DHRS7B: variants seen among roughly 807,000 people sequenced by gnomAD.
DHRS7B encodes the protein dehydrogenase/reductase 7B, also known as peroxisomal reductase activating PPAR-gamma.
A neutral mutation model predicts 26.4 loss-of-function variants in DHRS7B; 24 were observed. The ratio of observed to expected loss-of-function variants is 0.91; its 90% CI spans 0.66 to 1.28. The LOEUF is 1.28. Ranked by LOEUF, DHRS7B falls within the 50% of genes most tolerant of loss-of-function variation. The probability of loss-of-function intolerance (pLI) is 0.00; values close to 1 mark genes in which losing one functional copy is unlikely to be tolerated. For synonymous variants in DHRS7B, 142 were observed against 166.4 expected (o/e 0.85, Z 1.13); for missense variants, 368 against 419.4 (o/e 0.88, Z 1.07).
chr17:21,130,671 T>G (rs1405012722), intron 1 of DHRS7B, among the ~76,000 whole-genome samples: 2 of 152,174 alleles, frequency 1.3e-5, no homozygotes, highest in African/African-American at 2.4e-5. Context: ...GAAAATTCAG[T>G]TTTAAAATTT....
chr17:21,161,326 C>T (rs562274082), intron 1 of DHRS7B, among the ~76,000 whole-genome samples: 42 of 152,186 alleles, frequency 2.8e-4, no homozygotes, highest in African/African-American at 8.2e-4. Flanking sequence ...CTCTACTTTC[C>T]GCTCAGTTTT....
At chr17:21,138,956 A>T (rs1973429168) in intron 1 of DHRS7B, among the ~76,000 whole-genome samples, 1 of 152,184 alleles carries the variant, frequency 6.6e-6, no homozygotes, top group African/African-American at 2.4e-5. Flanking sequence ...ATTTATGAAA[A>T]CTATGATAGT....
intron 1 of DHRS7B, among the ~76,000 whole-genome samples, chr17:21,149,427 A>C (rs1044880170): frequency 3.9e-5 from 6 of 152,180 alleles, no homozygotes; most frequent in Non-Finnish European, 8.8e-5. Context: ...TCTAAAACCC[A>C]CTGATAAAGT....
At chr17:21,176,193 T>C (rs1310478154) in intron 2 of DHRS7B, among the ~76,000 whole-genome samples, 1 of 151,974 alleles carries the variant, frequency 6.6e-6, no homozygotes, top group Non-Finnish European at 1.5e-5. Flanking sequence ...TTCCTATGTT[T>C]CCCAGGCTGG....
intron 1 of DHRS7B, among the ~76,000 whole-genome samples, chr17:21,154,967 TA>T (rs921371663): frequency 6.6e-6 from 1 of 151,894 alleles, no homozygotes; most frequent in East Asian, 1.9e-4. Context: ...AAAGTTTTTT[TA>T]AAAAAAGAAG....
intron 1 of DHRS7B, chr17:21,127,277 G>A (rs573236914): frequency 6.8e-6 from 3 of 440,566 alleles, no homozygotes; most frequent in South Asian, 8.0e-5. Flanking sequence ...CGCGCCGGGC[G>A]CTGTGTGTGA....
chr17:21,150,740 T>G (rs1287293896), intron 1 of DHRS7B, among the ~76,000 whole-genome samples: 1 of 152,212 alleles, frequency 6.6e-6, no homozygotes, highest in African/African-American at 2.4e-5. Context: ...AAACCACATA[T>G]TTATTATTTT....
intron 1 of DHRS7B, among the ~76,000 whole-genome samples, chr17:21,153,518 A>G (rs1973815962): frequency 6.6e-6 from 1 of 152,246 alleles, no homozygotes; most frequent in African/African-American, 2.4e-5. Context: ...TTAATCTCAG[A>G]CACCAAATCG....
chr17:21,138,397 C>T (rs970948575), intron 1 of DHRS7B, among the ~76,000 whole-genome samples: 12 of 150,332 alleles, frequency 8.0e-5, no homozygotes, highest in African/African-American at 2.4e-4. Context: ...CTAATTTTTT[C>T]TATTTTTAGT....
chr17:21,182,741 C>T (rs1025898843), intron 3 of DHRS7B, among the ~76,000 whole-genome samples: 4 of 152,154 alleles, frequency 2.6e-5, no homozygotes, highest in Non-Finnish European at 5.9e-5. Context: ...TAGGATAAAT[C>T]CCACTTGGTC....
chr17:21,148,005 C>T (rs1487963000), intron 1 of DHRS7B, among the ~76,000 whole-genome samples: 6 of 152,104 alleles, frequency 3.9e-5, no homozygotes, highest in Non-Finnish European at 7.4e-5. Context: ...TGCATGAGCC[C>T]AGGAGTTTGA....
chr17:21,178,855 C>T (rs1974450510), intron 3 of DHRS7B, among the ~76,000 whole-genome samples: 1 of 152,034 alleles, frequency 6.6e-6, no homozygotes, highest in South Asian at 2.1e-4. Context: ...GACGTGGTTT[C>T]ACCATATTGA....
intron 1 of DHRS7B, among the ~76,000 whole-genome samples, chr17:21,156,853 C>T (rs1014585163): frequency 2.7e-5 from 4 of 148,310 alleles, no homozygotes; most frequent in African/African-American, 7.5e-5. Context: ...GTGGAGGTTG[C>T]AGTGAACTGA....
intron 1 of DHRS7B, among the ~76,000 whole-genome samples, chr17:21,147,522 C>T (rs1340067797): frequency 1.3e-5 from 2 of 152,102 alleles, no homozygotes; most frequent in Non-Finnish European, 2.9e-5. Flanking sequence ...TTCTCGAGGC[C>T]ATGGAGAAAT....
chr17:21,185,138 C>T (rs1974603495), intron 5 of DHRS7B, among the ~76,000 whole-genome samples: 1 of 152,144 alleles, frequency 6.6e-6, no homozygotes, highest in Non-Finnish European at 1.5e-5. Context: ...TCTCTGGGCA[C>T]TCAAATGGGA....
chr17:21,170,586 C>T (rs751194413), intron 1 of DHRS7B, among the ~76,000 whole-genome samples: 32 of 152,140 alleles, frequency 2.1e-4, no homozygotes, highest in Non-Finnish European at 3.8e-4. Flanking sequence ...TTTTACAGTC[C>T]AAGAATGTGG....
chr17:21,141,513 C>T (rs186781115), intron 1 of DHRS7B, among the ~76,000 whole-genome samples: 462 of 149,422 alleles, frequency 3.1e-3, no homozygotes, highest in African/African-American at 0.01. Flanking sequence ...GGAGGAATTA[C>T]GACCAGTTAG....
At chr17:21,137,633 T>G (rs1480927248) in intron 1 of DHRS7B, among the ~76,000 whole-genome samples, 1 of 152,034 alleles carries the variant, frequency 6.6e-6, no homozygotes, top group Non-Finnish European at 1.5e-5. Context: ...AGTTTTATAT[T>G]TTTAGTAGAG....
At chr17:21,170,034 A>G (rs1316257979) in intron 1 of DHRS7B, among the ~76,000 whole-genome samples, 1 of 152,166 alleles carries the variant, frequency 6.6e-6, no homozygotes, top group Non-Finnish European at 1.5e-5. Flanking sequence ...AACTCTTCCC[A>G]AGCCCCCACC....
Sources: gnomAD v4.1 joint callset for allele counts (sites outside exome capture counted in the v4.1 genomes callset) on GRCh38, gnomAD v4.1.1 for gene constraint, MANE v1.5 for transcripts, NCBI Gene and HGNC (gene_info 2026-07-23, HGNC 2026-07-21) for gene names.